The following NCKAP5 variants were observed in gnomAD, a reference collection of about 807,000 sequenced individuals.
The protein encoded by NCKAP5 is nck-associated protein 5.
NCKAP5 carries 92 observed loss-of-function variants against 167.0 expected under a neutral mutation model. The ratio of observed to expected loss-of-function variants is 0.55; its 90% confidence interval spans 0.47 to 0.66. NCKAP5 has a LOEUF of 0.66. NCKAP5 is among the 30% of genes least tolerant of loss of function. The probability of loss-of-function intolerance (pLI) is 0.00; values close to 1 mark genes in which losing one functional copy is unlikely to be tolerated. For synonymous variants in NCKAP5, 891 were observed against 877.4 expected, an observed-to-expected ratio of 1.02 and a Z score of -0.27; for missense variants, 2,378 against 2,315.0, an observed-to-expected ratio of 1.03 and a Z score of -0.56.
intron 3 of NCKAP5, among the ~76,000 whole-genome samples, chr2:133,310,527 C>T (rs1002462755): frequency 3.3e-5 from 5 of 152,234 alleles, no homozygotes; most frequent in Admixed American, 1.3e-4. Context: ...ATCATACTCT[C>T]CCTCCCTGGT....
At chr2:133,420,640 G>C (rs1187859637) in intron 3 of NCKAP5, among the ~76,000 whole-genome samples, 5 of 152,148 alleles carry the variant, frequency 3.3e-5, no homozygotes, top group African/African-American at 4.8e-5. Flanking sequence ...ATAGGATAAG[G>C]CTTTTGAAAT....
chr2:133,165,384 G>A (rs2083957656), intron 5 of NCKAP5, among the ~76,000 whole-genome samples: 2 of 152,158 alleles, frequency 1.3e-5, no homozygotes, highest in Admixed American at 1.3e-4. Flanking sequence ...TCCTATGTAA[G>A]AGTTTTAAGA....
At chr2:133,473,539 C>T (rs1679554330) in intron 3 of NCKAP5, among the ~76,000 whole-genome samples, 1 of 152,144 alleles carries the variant, frequency 6.6e-6, no homozygotes, top group African/African-American at 2.4e-5. Flanking sequence ...CCAGGGGATA[C>T]TGATACTGCT....
intron 4 of NCKAP5, among the ~76,000 whole-genome samples, chr2:133,233,403 C>T (rs982225629): frequency 2.6e-5 from 4 of 151,982 alleles, no homozygotes; most frequent in Non-Finnish European, 5.9e-5. Flanking sequence ...GCCAGTATCC[C>T]TATATTATTT....
chr2:133,172,283 G>A lies in NCKAP5; in HGVS notation c.207+41433C>T, dbSNP rs190707038. ...TTATAGAGGCCTGAGAAATAAACAC[G>A]GAGAACAAAACAAATAACCCTAACA... On this transcript the variant is annotated intron_variant, in intron 5 of 19. Coordinates refer to ENST00000409261, the MANE Select transcript of NCKAP5 (RefSeq NM_207363.3). 1.2e-4 allele frequency among the ~76,000 whole-genome samples: 18 copies of A among 152,194 alleles called. No homozygotes were observed. In the East Asian group the frequency reaches 3.1e-3, roughly 26 times the overall value.
intron 3 of NCKAP5, among the ~76,000 whole-genome samples, chr2:133,370,127 A>C (rs937128393): frequency 6.6e-6 from 1 of 152,190 alleles, no homozygotes; most frequent in Non-Finnish European, 1.5e-5. Flanking sequence ...AAGACAGGAG[A>C]CCTTAGGTGG....
chr2:132,982,215 T>C (rs1181913389), intron 7 of NCKAP5, among the ~76,000 whole-genome samples: 4 of 152,222 alleles, frequency 2.6e-5, no homozygotes, highest in Non-Finnish European at 4.4e-5. Context: ...ATACATTATC[T>C]CTGATTGTTA....
chr2:133,249,098 C>T (rs1048656098), intron 4 of NCKAP5, among the ~76,000 whole-genome samples: 4 of 152,110 alleles, frequency 2.6e-5, no homozygotes, highest in African/African-American at 4.8e-5. Context: ...TATGCCACTG[C>T]CCCTGCCCCT....
intron 4 of NCKAP5, among the ~76,000 whole-genome samples, chr2:133,276,201 A>C (rs2089723409): frequency 1.3e-5 from 2 of 152,182 alleles, no homozygotes; most frequent in Admixed American, 1.3e-4. Context: ...GTAAGACTGC[A>C]GTATATAACA....
At chr2:133,495,497 T>C (rs1681865177) in intron 3 of NCKAP5, among the ~76,000 whole-genome samples, 1 of 152,196 alleles carries the variant, frequency 6.6e-6, no homozygotes, top group South Asian at 2.1e-4. Context: ...AAACCAGCCA[T>C]TACCTCCCTC....
chr2:133,483,066 A>T (rs1680594085), intron 3 of NCKAP5, among the ~76,000 whole-genome samples: 1 of 152,072 alleles, frequency 6.6e-6, no homozygotes, highest in Admixed American at 6.6e-5. Flanking sequence ...AGTATTTTTA[A>T]CATTCCTTTA....
At chr2:133,587,179 T>C in the NCKAP5 span, among the ~76,000 whole-genome samples, 3 of 152,070 alleles carry the variant, frequency 2.0e-5, no homozygotes, top group Non-Finnish European at 4.4e-5. Context: ...GAACAAGTAA[T>C]GAGTAAGCAT....
At chr2:133,530,643 C>T (rs1421142610) in intron 2 of NCKAP5, among the ~76,000 whole-genome samples, 2 of 152,170 alleles carry the variant, frequency 1.3e-5, no homozygotes, top group African/African-American at 2.4e-5. Flanking sequence ...CTTTTATGCT[C>T]TTCTAGCTTA....
chr2:132,684,859 A>G (rs1330966113), intron 19 of NCKAP5, among the ~76,000 whole-genome samples: 1 of 152,184 alleles, frequency 6.6e-6, no homozygotes, highest in African/African-American at 2.4e-5. Flanking sequence ...AGCTAAAAAA[A>G]AGTTCTTCCA....
chr2:132,822,104 C>T (rs776749629), intron 11 of NCKAP5, among the ~76,000 whole-genome samples: 2 of 152,232 alleles, frequency 1.3e-5, no homozygotes, highest in African/African-American at 2.4e-5. Context: ...GGCCAACAAA[C>T]TCAGGCCATT....
the NCKAP5 span, among the ~76,000 whole-genome samples, chr2:133,576,472 A>G: frequency 6.6e-6 from 1 of 152,232 alleles, no homozygotes; most frequent in African/African-American, 2.4e-5. Flanking sequence ...CATTCACCAA[A>G]CATTATATGG....
intron 3 of NCKAP5, among the ~76,000 whole-genome samples, chr2:133,400,639 T>A (rs1207895089): frequency 6.6e-6 from 1 of 152,170 alleles, no homozygotes; most frequent in Admixed American, 6.5e-5. Context: ...CCCAGCCTCA[T>A]TGCAGGCAGC....
intron 7 of NCKAP5, among the ~76,000 whole-genome samples, chr2:132,966,085 C>T (rs59633875): frequency 0.04 from 6,121 of 152,166 alleles, 347 homozygotes; most frequent in East Asian, 0.16. Flanking sequence ...AGCAGTTTGG[C>T]AAATGATCTT....
chr2:133,508,847 C>T (rs1424152187), intron 3 of NCKAP5, among the ~76,000 whole-genome samples: 1 of 152,216 alleles, frequency 6.6e-6, no homozygotes, highest in Non-Finnish European at 1.5e-5. Context: ...GCCAAGCAAA[C>T]ATCTCTACTC....
Sources: allele counts gnomAD v4.1 joint callset (sites outside exome capture counted in the v4.1 genomes callset), GRCh38; gene constraint gnomAD v4.1.1; transcripts MANE v1.5; gene names NCBI Gene and HGNC (gene_info 2026-07-23, HGNC 2026-07-21).